Variants in DOCK1 observed in about 807,000 individuals in gnomAD.
DOCK1 encodes dedicator of cytokinesis protein 1.
A neutral mutation model predicts 262.7 loss-of-function variants in DOCK1; 138 were observed. The observed-to-expected ratio is 0.53, with a 90% CI of 0.46 to 0.61. DOCK1 has a LOEUF of 0.61. DOCK1 is among the 20% of genes least tolerant of loss of function. DOCK1 has a pLI of 0.00. For missense variants in DOCK1, 1,908 were observed against 2,370.7 expected, an observed-to-expected ratio of 0.80 and a Z score of 4.05; for synonymous variants, 866 against 867.4, an observed-to-expected ratio of 1.00 and a Z score of 0.03.
At chr10:127,167,684 AAAAC>A (rs1019280970) in intron 27 of DOCK1, among the ~76,000 whole-genome samples, 3 of 152,072 alleles carry the variant, frequency 2.0e-5, no homozygotes, top group African/African-American at 7.2e-5. Flanking sequence ...AGGGTGAACT[AAAAC>A]AAAATCCAGG....
intron 19 of DOCK1, among the ~76,000 whole-genome samples, chr10:127,039,999 C>T (rs529451006): frequency 1.7e-4 from 26 of 152,140 alleles, no homozygotes; most frequent in Non-Finnish European, 2.6e-4. Flanking sequence ...CCCACTGCAG[C>T]TCCGCAGCCC....
rs1034090140 is a variant in DOCK1 at position 126,930,013 on chromosome 10, G to T, written c.46+24450G>T. ...CCTGGCCACCACCAAACTGTGTTCTGTGTCTCTGGATTTATCTGTCCTGGT... is the reference window on the plus strand; with the variant it reads ...CCTGGCCACCACCAAACTGTGTTCTTTGTCTCTGGATTTATCTGTCCTGGT... On this transcript the variant is annotated intron_variant, in intron 1 of 51. Coordinates refer to ENST00000623213, the MANE Select transcript of DOCK1 (RefSeq NM_001290223.2). Among the ~76,000 whole-genome samples the T allele has an allele frequency of 3.3e-5, 5 of 152,180 alleles. No individual in the cohort carries two copies. In the East Asian group the frequency reaches 9.7e-4, roughly 29 times the overall value.
intron 27 of DOCK1, among the ~76,000 whole-genome samples, chr10:127,205,693 T>G (rs1237371938): frequency 6.6e-6 from 1 of 152,232 alleles, no homozygotes; most frequent in Non-Finnish European, 1.5e-5. Context: ...TTTTAAACAT[T>G]GCTGAAGTGC....
rs146354609 is a variant in DOCK1 at position 127,296,775 on chromosome 10, C to T, written c.3044+39346C>T. Among the ~76,000 whole-genome samples, 377 of 152,160 alleles carry T rather than the reference C, an allele frequency of 2.5e-3. 5 individuals are homozygous for T. The highest frequency in any genetic ancestry group is 8.6e-3 in the African/African-American group (359 of 41,510). On this transcript the variant is annotated intron_variant, in intron 29 of 51. Transcript: ENST00000623213. ...GCTTTTTGTGGCATGCATGGGAAAGCGGTAGGGGGTGCTCTTCACAGTTGT... is the reference window on the plus strand; with the variant it reads ...GCTTTTTGTGGCATGCATGGGAAAGTGGTAGGGGGTGCTCTTCACAGTTGT...
intron 29 of DOCK1, among the ~76,000 whole-genome samples, chr10:127,302,714 A>G (rs562462286): frequency 6.6e-6 from 1 of 151,408 alleles, no homozygotes; most frequent in South Asian, 2.1e-4. Flanking sequence ...GCATAGGGAC[A>G]GCTTTTCCTA....
At chr10:127,381,492 A>G in intron 37 of DOCK1, 124 bp downstream of exon 37, 1 of 752,254 alleles carries the variant, frequency 1.3e-6, no homozygotes, top group Non-Finnish European at 2.0e-6. Context: ...AAATTGACTA[A>G]ATAAATGCAA....
chr10:126,974,853 GAAAT>G (rs1215286221), intron 2 of DOCK1, among the ~76,000 whole-genome samples: 10 of 152,218 alleles, frequency 6.6e-5, no homozygotes, highest in Admixed American at 5.9e-4. Flanking sequence ...CTTTGTTGAA[GAAAT>G]AGTGCATGCC....
chr10:126,918,879 G>GCAGGTGGGCACGGAGGATTCGGA (rs1208080470), intron 1 of DOCK1, among the ~76,000 whole-genome samples: 10 of 110,606 alleles, frequency 9.0e-5, no homozygotes, highest in African/African-American at 2.8e-4. Context: ...GGCAGGGTGT[G>GCAGGTGGGCACGGAGGATTCGGA]CAGGTGGGCA....
chr10:127,223,981 CAT>C (rs1304454974), intron 27 of DOCK1, among the ~76,000 whole-genome samples: 7 of 152,150 alleles, frequency 4.6e-5, no homozygotes, highest in Non-Finnish European at 7.3e-5. Flanking sequence ...CCCTTTCTGC[CAT>C]GATAACTCTG....
intron 31 of DOCK1, among the ~76,000 whole-genome samples, chr10:127,352,502 C>G (rs1414970530): frequency 6.6e-6 from 1 of 152,106 alleles, no homozygotes; most frequent in East Asian, 1.9e-4. Flanking sequence ...TCCCTGGGAT[C>G]ATTATCATTC....
At chr10:126,989,029 C>A (rs1049894139) in intron 5 of DOCK1, among the ~76,000 whole-genome samples, 1 of 149,992 alleles carries the variant, frequency 6.7e-6, no homozygotes, top group Non-Finnish European at 1.5e-5. Flanking sequence ...GCCAAGATTG[C>A]GCCACTGCAC....
chr10:127,118,799 A>G (rs1364691364), intron 25 of DOCK1, among the ~76,000 whole-genome samples: 2 of 152,238 alleles, frequency 1.3e-5, no homozygotes, highest in African/African-American at 4.8e-5. Flanking sequence ...AACACTGTAC[A>G]GGCCATTTGT....
In DOCK1 at chr10:127,451,563, G is replaced by T; in HGVS notation, c.*136G>T. On this transcript the variant is annotated 3_prime_UTR_variant, in exon 52 of 52. Coordinates refer to ENST00000623213, the MANE Select transcript of DOCK1 (RefSeq NM_001290223.2). ...TTCGTGCGACTGCTTTTTCTTCAAA[G>T]GAGTTCAGTTCTCACCATGGAGTGA... 6.6e-7 allele frequency: 1 copy of T among 1,506,858 alleles called. No homozygotes were observed. The highest frequency in any genetic ancestry group is 8.9e-7 in the Non-Finnish European group (1 of 1,128,292). 93.3% of individuals were successfully genotyped at this position (1,506,858 alleles called of 1,614,324 possible). A position where few individuals can be genotyped will look rare whatever the true frequency, so the allele number is the denominator to read the frequency against.
At chr10:127,184,890 A>G (rs1401050958) in intron 27 of DOCK1, among the ~76,000 whole-genome samples, 2 of 152,190 alleles carry the variant, frequency 1.3e-5, no homozygotes, top group Non-Finnish European at 2.9e-5. Flanking sequence ...TGAACAGTGC[A>G]TGCCTGGGGT....
At chr10:127,335,510 A>C (rs1228162956) in intron 29 of DOCK1, among the ~76,000 whole-genome samples, 1 of 151,962 alleles carries the variant, frequency 6.6e-6, no homozygotes, top group East Asian at 1.9e-4. Flanking sequence ...CCCTACTTTC[A>C]CATTTATTAG....
intron 32 of DOCK1, among the ~76,000 whole-genome samples, chr10:127,361,745 T>C (rs2064464975): frequency 1.3e-5 from 2 of 152,192 alleles, no homozygotes; most frequent in South Asian, 4.1e-4. Flanking sequence ...ATTAGCTGCA[T>C]GTGTTCTGAA....
chr10:127,239,616 T>TA (rs1346710053), intron 27 of DOCK1, among the ~76,000 whole-genome samples: 2 of 152,170 alleles, frequency 1.3e-5, no homozygotes, highest in Non-Finnish European at 2.9e-5. Context: ...AAAGTCAGTT[T>TA]AAAAACACGT....
chr10:127,206,971 T>C (rs1245738387), intron 27 of DOCK1, among the ~76,000 whole-genome samples: 1 of 152,232 alleles, frequency 6.6e-6, no homozygotes, highest in Non-Finnish European at 1.5e-5. Context: ...TAAACAGACT[T>C]AGTGGCCTAT....
chr10:127,260,581 G>A (rs989838298), intron 29 of DOCK1, among the ~76,000 whole-genome samples: 1 of 152,172 alleles, frequency 6.6e-6, no homozygotes, highest in Non-Finnish European at 1.5e-5. Context: ...GCCTGTGTGT[G>A]TACCCATGCT....
Sources: allele counts gnomAD v4.1 joint callset (sites outside exome capture counted in the v4.1 genomes callset), GRCh38; gene constraint gnomAD v4.1.1; transcripts MANE v1.5; gene names NCBI Gene and HGNC (gene_info 2026-07-23, HGNC 2026-07-21).